CDYL2: variants seen among roughly 807,000 people sequenced by gnomAD.
CDYL2 encodes the protein chromodomain Y-like protein 2.
A neutral mutation model predicts 49.4 loss-of-function variants in CDYL2; 23 were observed. That is an observed-to-expected ratio of 0.47 (90% CI 0.34 to 0.66). CDYL2 has a LOEUF of 0.66. Ranked by LOEUF, CDYL2 falls within the 30% of genes least tolerant of loss-of-function variation. The pLI is 0.01. For synonymous variants in CDYL2, 360 were observed against 268.8 expected, an observed-to-expected ratio of 1.34 and a Z score of -3.32; for missense variants, 678 against 656.4, an observed-to-expected ratio of 1.03 and a Z score of -0.36.
chr16:80,629,085 A>G (rs921139013), intron 3 of CDYL2, among the ~76,000 whole-genome samples: 1 of 152,202 alleles, frequency 6.6e-6, no homozygotes, highest in Non-Finnish European at 1.5e-5. Context: ...GGTGGGCTGC[A>G]CGATGAGGCG....
intron 1 of CDYL2, among the ~76,000 whole-genome samples, chr16:80,717,493 G>C (rs1055957591): frequency 6.6e-6 from 1 of 152,226 alleles, no homozygotes; most frequent in African/African-American, 2.4e-5. Flanking sequence ...ACCTGAGCTG[G>C]GGCAAATGAC....
At chr16:80,715,914 T>C (rs1167913026) in intron 1 of CDYL2, among the ~76,000 whole-genome samples, 3 of 152,190 alleles carry the variant, frequency 2.0e-5, no homozygotes, top group Non-Finnish European at 2.9e-5. Flanking sequence ...CACCCCTAGA[T>C]GGAAGAAGAA....
chr16:80,726,715 T>C (rs925581314), intron 1 of CDYL2, among the ~76,000 whole-genome samples: 2 of 152,142 alleles, frequency 1.3e-5, no homozygotes, highest in African/African-American at 2.4e-5. Flanking sequence ...ACATGGAATA[T>C]ACAAAATGAG....
intron 1 of CDYL2, among the ~76,000 whole-genome samples, chr16:80,723,605 T>C (rs929695644): frequency 1.3e-5 from 2 of 152,130 alleles, no homozygotes; most frequent in Non-Finnish European, 2.9e-5. Context: ...CCATGTTCCT[T>C]AGGATAAAGT....
intron 2 of CDYL2, among the ~76,000 whole-genome samples, chr16:80,635,709 A>G (rs571839384): frequency 6.6e-6 from 1 of 152,356 alleles, no homozygotes; most frequent in East Asian, 1.9e-4. Flanking sequence ...ATTAGAAAAA[A>G]TTACTTTAAA....
chr16:80,782,803 T>C (rs982365692), intron 1 of CDYL2, among the ~76,000 whole-genome samples: 11 of 152,074 alleles, frequency 7.2e-5, no homozygotes, highest in African/African-American at 1.7e-4. Flanking sequence ...TACCCTATTA[T>C]GATTAAAAAT....
intron 1 of CDYL2, among the ~76,000 whole-genome samples, chr16:80,689,733 C>A (rs1910337934): frequency 6.6e-6 from 1 of 152,184 alleles, no homozygotes; most frequent in Non-Finnish European, 1.5e-5. Context: ...CAGCGTGCAA[C>A]AAGAAACCTC....
chr16:80,676,881 A>C (rs1909765800), intron 2 of CDYL2, among the ~76,000 whole-genome samples: 1 of 150,470 alleles, frequency 6.6e-6, no homozygotes, highest in Admixed American at 6.6e-5. Flanking sequence ...TAGAACGTTT[A>C]GATTTGCCTG....
intron 3 of CDYL2, among the ~76,000 whole-genome samples, chr16:80,629,345 G>A (rs527579057): frequency 2.6e-5 from 4 of 152,318 alleles, no homozygotes; most frequent in Non-Finnish European, 5.9e-5. Context: ...GGTTATGGTG[G>A]AAATAGAAGT....
At chr16:80,742,315 C>T (rs1905765502) in intron 1 of CDYL2, 1 of 152,152 alleles carries the variant, frequency 6.6e-6, no homozygotes, top group Admixed American at 6.5e-5. Flanking sequence ...ATTCACTTGA[C>T]AGAATTAATG....
In CDYL2 at chr16:80,642,311, C is replaced by T. The variant is rs562568854; in HGVS notation, c.617-9075G>A. Reference sequence around the variant, plus strand: ...TGCAAAAATTAGCTGGGCATGGTGGCATGCCCCTGTAATCCCAGCTACTTG... The same window carrying T: ...TGCAAAAATTAGCTGGGCATGGTGGTATGCCCCTGTAATCCCAGCTACTTG... On this transcript the variant is annotated intron_variant, in intron 2 of 6. Transcript: ENST00000570137. 3.3e-5 allele frequency among the ~76,000 whole-genome samples: 5 copies of T among 152,188 alleles called. No homozygotes were observed. In the South Asian group the frequency reaches 1.0e-3, roughly 32 times the overall value.
chr16:80,757,808 G>C (rs897541403), intron 1 of CDYL2, among the ~76,000 whole-genome samples: 4 of 151,956 alleles, frequency 2.6e-5, no homozygotes, highest in African/African-American at 9.7e-5. Flanking sequence ...ATTAGACCTA[G>C]GTAAATTAGA....
intron 1 of CDYL2, among the ~76,000 whole-genome samples, chr16:80,706,222 T>C (rs1171537810): frequency 6.6e-6 from 1 of 152,270 alleles, no homozygotes; most frequent in Non-Finnish European, 1.5e-5. Context: ...CATCCATTAG[T>C]TGTCCCTTGG....
intron 1 of CDYL2, among the ~76,000 whole-genome samples, chr16:80,745,253 A>G (rs1272803898): frequency 6.6e-6 from 1 of 152,110 alleles, no homozygotes; most frequent in Non-Finnish European, 1.5e-5. Context: ...TCCAAATCCC[A>G]TGTGCTGTCC....
At position 80,705,825 on chromosome 16, in the gene CDYL2, G is replaced by C. The variant is rs142212948; in HGVS notation, c.25-20696C>G. Among the ~76,000 whole-genome samples the C allele has an allele frequency of 1.7e-3, 258 of 152,390 alleles. 2 individuals are homozygous for C. Among genetic ancestry groups the C allele is most frequent in the African/African-American group, 6.0e-3 (248 of 41,602 alleles). ...ATTTATAAAAACAAATGGTGGGCCA[G>C]ATTTGGCCTGTGGCCATAGTTTGCC... is the stretch of plus-strand genomic sequence containing the variant. On this transcript the variant is annotated intron_variant, in intron 1 of 6. Coordinates refer to ENST00000570137, the MANE Select transcript of CDYL2 (RefSeq NM_152342.4).
chr16:80,757,116 A>C (rs897249848), intron 1 of CDYL2, among the ~76,000 whole-genome samples: 1 of 152,220 alleles, frequency 6.6e-6, no homozygotes, highest in Admixed American at 6.5e-5. Flanking sequence ...TAAGAGCTTC[A>C]ATTACCAGGA....
At chr16:80,703,926 G>C (rs1396011354) in intron 1 of CDYL2, among the ~76,000 whole-genome samples, 1 of 152,140 alleles carries the variant, frequency 6.6e-6, no homozygotes, top group African/African-American at 2.4e-5. Flanking sequence ...CAGCTGCGCA[G>C]GGTGGGTGCG....
chr16:80,737,813 T>C (rs1905590034), intron 1 of CDYL2, among the ~76,000 whole-genome samples: 1 of 152,240 alleles, frequency 6.6e-6, no homozygotes, highest in Non-Finnish European at 1.5e-5. Context: ...CTCTAAAGAA[T>C]GCCCAGCCTC....
intron 1 of CDYL2, among the ~76,000 whole-genome samples, chr16:80,732,293 T>G (rs1905354997): frequency 6.6e-6 from 1 of 151,686 alleles, no homozygotes; most frequent in African/African-American, 2.4e-5. Context: ...CTGCACAGTT[T>G]TCTGTCTTAG....
Sources: allele counts gnomAD v4.1 joint callset (sites outside exome capture counted in the v4.1 genomes callset), GRCh38; gene constraint gnomAD v4.1.1; transcripts MANE v1.5; gene names NCBI Gene and HGNC (gene_info 2026-07-23, HGNC 2026-07-21).